The following BRD10 variants were observed in gnomAD, a reference collection of about 807,000 sequenced individuals.
BRD10 encodes the protein uncharacterized bromodomain-containing protein 10.
the BRD10 span, among the ~76,000 whole-genome samples, chr9:5,886,054 C>T: frequency 2.0e-5 from 3 of 152,200 alleles, no homozygotes; most frequent in South Asian, 2.1e-4. Context: ...TAGCGGGGAC[C>T]GAAAGCGGAA....
At chr9:5,959,198 A>G in the BRD10 span, among the ~76,000 whole-genome samples, 2 of 152,082 alleles carry the variant, frequency 1.3e-5, no homozygotes, top group African/African-American at 2.4e-5. Flanking sequence ...CACATAATCA[A>G]TCCTTACCTG....
the BRD10 span, among the ~76,000 whole-genome samples, chr9:5,983,267 C>A: frequency 2.6e-5 from 4 of 152,278 alleles, no homozygotes; most frequent in East Asian, 7.7e-4. Context: ...GGAGTGAAGG[C>A]TATCTCAGAC....
the BRD10 span, chr9:6,007,169 T>C: frequency 1.1e-5 from 17 of 1,601,572 alleles, no homozygotes; most frequent in Non-Finnish European, 1.5e-5. Context: ...AGTCTGTCAG[T>C]CCCACCGGGG....
the BRD10 span, among the ~76,000 whole-genome samples, chr9:5,889,533 T>A: frequency 3.3e-5 from 5 of 152,224 alleles, no homozygotes; most frequent in South Asian, 4.1e-4. Flanking sequence ...ATGCCTGTAA[T>A]CCCAGCACTT....
chr9:6,004,824 G>C, the BRD10 span, among the ~76,000 whole-genome samples: 1 of 152,166 alleles, frequency 6.6e-6, no homozygotes, highest in African/African-American at 2.4e-5. Context: ...TTTTCTCAAA[G>C]TTGTGCCCAT....
At chr9:5,952,182 G>A in the BRD10 span, among the ~76,000 whole-genome samples, 873 of 151,916 alleles carry the variant, frequency 5.7e-3, 9 homozygotes, top group African/African-American at 0.02. Context: ...CACCACACCC[G>A]GCTAATTTTT....
At chr9:5,912,896 C>G in the BRD10 span, among the ~76,000 whole-genome samples, 1 of 152,192 alleles carries the variant, frequency 6.6e-6, no homozygotes, top group Admixed American at 6.5e-5. Context: ...GCATTTTCCA[C>G]TTGCCCATAT....
chr9:5,976,952 T>C, the BRD10 span, among the ~76,000 whole-genome samples: 2 of 152,242 alleles, frequency 1.3e-5, no homozygotes, highest in Non-Finnish European at 2.9e-5. Context: ...AAAACTTTTA[T>C]GGACTTGCTT....
the BRD10 span, among the ~76,000 whole-genome samples, chr9:5,888,848 G>T: frequency 0.062 from 9,466 of 152,224 alleles, 379 homozygotes; most frequent in South Asian, 0.14. Context: ...TTTAAAAAAC[G>T]GTCTTTTTGA....
chr9:5,884,904 C>T, the BRD10 span, among the ~76,000 whole-genome samples: 2 of 152,186 alleles, frequency 1.3e-5, no homozygotes, highest in East Asian at 1.9e-4. Flanking sequence ...GCTCTGTGCC[C>T]GTGTTCACCT....
chr9:5,967,408 T>G, the BRD10 span, among the ~76,000 whole-genome samples: 1 of 152,194 alleles, frequency 6.6e-6, no homozygotes, highest in African/African-American at 2.4e-5. Flanking sequence ...GACAAATATA[T>G]AGGGCATTTA....
At chr9:5,925,460 T>C in the BRD10 span, among the ~76,000 whole-genome samples, 1 of 152,114 alleles carries the variant, frequency 6.6e-6, no homozygotes, top group Non-Finnish European at 1.5e-5. Context: ...TAAAGGTTGC[T>C]GTTAGACCAA....
chr9:5,948,262 A>C, the BRD10 span, among the ~76,000 whole-genome samples: 2 of 152,184 alleles, frequency 1.3e-5, no homozygotes, highest in Non-Finnish European at 2.9e-5. Flanking sequence ...AAGATGACAC[A>C]CTGCTAGAGG....
chr9:5,924,865 A>C, the BRD10 span: 3 of 1,408,356 alleles, frequency 2.1e-6, no homozygotes, highest in African/African-American at 4.3e-5. Flanking sequence ...AATGCCCAAC[A>C]TAATAAATAA....
At chr9:5,963,841 T>G in the BRD10 span, among the ~76,000 whole-genome samples, 5 of 151,914 alleles carry the variant, frequency 3.3e-5, no homozygotes, top group Admixed American at 1.3e-4. Flanking sequence ...CTGGGAAAAC[T>G]GGCTAGCCAT....
the BRD10 span, among the ~76,000 whole-genome samples, chr9:5,945,445 A>T: frequency 6.6e-6 from 1 of 152,120 alleles, no homozygotes; most frequent in Non-Finnish European, 1.5e-5. Flanking sequence ...GGTTGCTAAA[A>T]GGACTGCAAC....
chr9:5,960,000 G>C, the BRD10 span, among the ~76,000 whole-genome samples: 4 of 152,032 alleles, frequency 2.6e-5, no homozygotes, highest in African/African-American at 9.7e-5. Context: ...GCTTTTGCTC[G>C]TGTTATTCAA....
chr9:5,971,159 A>G, the BRD10 span, among the ~76,000 whole-genome samples: 3 of 151,984 alleles, frequency 2.0e-5, no homozygotes, highest in Non-Finnish European at 2.9e-5. Flanking sequence ...ACATGAAAAG[A>G]TGCTCAGCCT....
the BRD10 span, among the ~76,000 whole-genome samples, chr9:5,960,219 T>C: frequency 1.3e-5 from 2 of 152,198 alleles, no homozygotes; most frequent in East Asian, 1.9e-4. Flanking sequence ...ACTTGTCTTA[T>C]TCATTTTAGT....
Sources: gnomAD v4.1 joint callset for allele counts (sites outside exome capture counted in the v4.1 genomes callset) on GRCh38, gnomAD v4.1.1 for gene constraint, MANE v1.5 for transcripts, NCBI Gene and HGNC (gene_info 2026-07-23, HGNC 2026-07-21) for gene names.